The following ITGA1 variants were observed in gnomAD, a reference collection of about 807,000 sequenced individuals.
ITGA1 encodes integrin alpha-1.
A neutral mutation model predicts 145.9 loss-of-function variants in ITGA1; 85 were observed. That is an observed-to-expected ratio of 0.58 (90% CI 0.49 to 0.70). The LOEUF (loss-of-function observed/expected upper bound fraction) is 0.70. Among genes scored for constraint, ITGA1 ranks in the 30% least tolerant of loss-of-function variants. The pLI is 0.00. For missense variants in ITGA1, 1,351 were observed against 1,418.7 expected, an observed-to-expected ratio of 0.95 and a Z score of 0.77; for synonymous variants, 520 against 495.3, an observed-to-expected ratio of 1.05 and a Z score of -0.66.
intron 2 of ITGA1, among the ~76,000 whole-genome samples, chr5:52,859,590 A>G (rs1453161225): frequency 6.6e-6 from 1 of 152,218 alleles, no homozygotes; most frequent in African/African-American, 2.4e-5. Flanking sequence ...CCTACACAAA[A>G]TAAATCCCAT....
intron 1 of ITGA1, among the ~76,000 whole-genome samples, chr5:52,823,067 G>C (rs995704432): frequency 2.0e-5 from 3 of 152,120 alleles, no homozygotes; most frequent in Non-Finnish European, 4.4e-5. Flanking sequence ...GGTCTAACAA[G>C]CTTTAAGGTG....
chr5:52,828,148 T>C, intron 1 of ITGA1, among the ~76,000 whole-genome samples: 1 of 152,210 alleles, frequency 6.6e-6, no homozygotes, highest in East Asian at 1.9e-4. Context: ...TGTTTTCAAT[T>C]CTTTGGGGGT....
chr5:52,954,131 C>T lies in ITGA1; in HGVS notation c.*1680C>T, dbSNP rs1475020802. The T allele has an allele frequency of 3.3e-5, 5 of 152,214 alleles. No homozygotes were observed. The East Asian group carries it at 7.7e-4, about 24-fold the overall frequency. 9.4% of individuals were successfully genotyped at this position (152,214 alleles called of 1,614,324 possible). On this transcript the variant is annotated 3_prime_UTR_variant, in exon 29 of 29. Transcript: ENST00000282588. Reference sequence around the variant, plus strand: ...TAGAGGTTTGGTGTCCTCTTGCTGGCCTGTCATTATTTGGAAATACGCGCT... The same window carrying T: ...TAGAGGTTTGGTGTCCTCTTGCTGGTCTGTCATTATTTGGAAATACGCGCT...
intron 11 of ITGA1, chr5:52,902,254 C>T (rs1309633676): frequency 1.3e-5 from 2 of 152,174 alleles, no homozygotes; most frequent in Admixed American, 1.3e-4. Context: ...AGTCCTACCC[C>T]ATCTTTCTAT....
intron 6 of ITGA1, among the ~76,000 whole-genome samples, chr5:52,870,901 A>G (rs572923849): frequency 1.3e-5 from 2 of 152,206 alleles, no homozygotes; most frequent in African/African-American, 2.4e-5. Context: ...GAGTTCTCCA[A>G]AGAACCCTTG....
chr5:52,909,243 CT>C (rs1388239931), intron 13 of ITGA1, among the ~76,000 whole-genome samples: 3 of 152,016 alleles, frequency 2.0e-5, no homozygotes, highest in Non-Finnish European at 2.9e-5. Context: ...ATATTTTCTG[CT>C]TGGAAATGTG....
In ITGA1 at chr5:52,817,413, G is replaced by A. The variant is rs576943105; in HGVS notation, c.61+28999G>A. Among the ~76,000 whole-genome samples, 9 of 152,280 alleles carry A rather than the reference G, an allele frequency of 5.9e-5. No homozygotes were observed. In the East Asian group the frequency reaches 1.7e-3, roughly 29 times the overall value. ...TAAGTAATTGGCACACAGAATAGAC[G>A]TTCAATAAATGTTAACTCTGTAGCC... On this transcript the variant is annotated intron_variant, in intron 1 of 28. Coordinates refer to ENST00000282588, the MANE Select transcript of ITGA1 (RefSeq NM_181501.2).
At chr5:52,925,134 C>T (rs1750784348) in intron 18 of ITGA1, 144 bp from the exon 19 acceptor site, 2 of 628,388 alleles carry the variant, frequency 3.2e-6, no homozygotes, top group African/African-American at 3.7e-5. Context: ...AATATAAAAT[C>T]CCTTAAGATT....
intron 11 of ITGA1, among the ~76,000 whole-genome samples, chr5:52,900,908 A>AT (rs144442781): frequency 9.2e-5 from 14 of 152,044 alleles, no homozygotes; most frequent in Non-Finnish European, 1.3e-4. Context: ...GTTATTATGT[A>AT]TTTTTTTATT....
chr5:52,834,531 G>GAAGAAAGAGA (rs1749125129), intron 1 of ITGA1, among the ~76,000 whole-genome samples: 1 of 117,216 alleles, frequency 8.5e-6, no homozygotes, highest in Admixed American at 9.3e-5. Flanking sequence ...AAAGGGAGAG[G>GAAGAAAGAGA]AAGAAAGAGA....
rs1057263884 is a variant in ITGA1, at chr5:52,894,238, C to T, written c.1090+398C>T. Among the ~76,000 whole-genome samples, 2 of 152,130 alleles carry T rather than the reference C, an allele frequency of 1.3e-5. 1 individual carries two copies. The highest frequency in any genetic ancestry group is 1.3e-4 in the Admixed American group (2 of 15,258). On this transcript the variant is annotated intron_variant, in intron 9 of 28. Transcript: ENST00000282588. ...TTCTTCATTTCATATTGAGCTACTA[C>T]AAGAGTGCTCTTATGCAATAACTTC...
intron 8 of ITGA1, among the ~76,000 whole-genome samples, chr5:52,890,148 G>C (rs1750123084): frequency 2.0e-5 from 3 of 152,072 alleles, no homozygotes; most frequent in Non-Finnish European, 4.4e-5. Flanking sequence ...CTACATCTGA[G>C]CACATTTACC....
At chr5:52,822,958 G>A (rs1748903271) in intron 1 of ITGA1, among the ~76,000 whole-genome samples, 1 of 152,128 alleles carries the variant, frequency 6.6e-6, no homozygotes, top group African/African-American at 2.4e-5. Context: ...TGTCTCATTA[G>A]ATGGTCGAAT....
At chr5:52,897,609 G>A (rs920821719) in intron 10 of ITGA1, 81 bp downstream of exon 10, 1 of 975,932 alleles carries the variant, frequency 1.0e-6, no homozygotes, top group African/African-American at 1.6e-5. Flanking sequence ...CCATCAGTAT[G>A]TAAGTGCAAC....
At chr5:52,884,447 TAA>T (rs72022536) in intron 7 of ITGA1, among the ~76,000 whole-genome samples, 16 of 136,680 alleles carry the variant, frequency 1.2e-4, no homozygotes, top group South Asian at 2.3e-4. Context: ...AACTCTGCCT[TAA>T]AAAAAAAAAA....
At chr5:52,847,506 G>T (rs998439132) in intron 1 of ITGA1, among the ~76,000 whole-genome samples, 25 of 152,078 alleles carry the variant, frequency 1.6e-4, no homozygotes, top group Non-Finnish European at 1.5e-5. Flanking sequence ...ACCTGATGAG[G>T]CTCTGTAATT....
intron 8 of ITGA1, among the ~76,000 whole-genome samples, chr5:52,890,187 C>A (rs532349087): frequency 1.3e-5 from 2 of 152,172 alleles, no homozygotes; most frequent in South Asian, 4.1e-4. Flanking sequence ...GGGTAACCAT[C>A]AGTCCACTTT....
intron 8 of ITGA1, among the ~76,000 whole-genome samples, chr5:52,892,621 T>C (rs1047987158): frequency 6.6e-6 from 1 of 152,166 alleles, no homozygotes; most frequent in Non-Finnish European, 1.5e-5. Flanking sequence ...TTAAGTAAAT[T>C]GTGGTGCATC....
At chr5:52,814,775 T>C (rs1417638246) in intron 1 of ITGA1, among the ~76,000 whole-genome samples, 4 of 152,112 alleles carry the variant, frequency 2.6e-5, no homozygotes, top group Non-Finnish European at 5.9e-5. Context: ...AATTGGTAGA[T>C]TTTAAATGGC....
Sources: allele counts gnomAD v4.1 joint callset (sites outside exome capture counted in the v4.1 genomes callset), GRCh38; gene constraint gnomAD v4.1.1; transcripts MANE v1.5; gene names NCBI Gene and HGNC (gene_info 2026-07-23, HGNC 2026-07-21).